Variants in CNTNAP2 observed in about 807,000 individuals in gnomAD.
The protein encoded by CNTNAP2 is contactin associated protein 2.
CNTNAP2 carries 98 observed loss-of-function variants against 155.2 expected under a neutral mutation model. The ratio of observed to expected loss-of-function variants is 0.63; its 90% confidence interval spans 0.54 to 0.75. The LOEUF (loss-of-function observed/expected upper bound fraction) is 0.75. CNTNAP2 is among the 30% of genes least tolerant of loss of function. The pLI is 0.00. For synonymous variants in CNTNAP2, 651 were observed against 631.2 expected (o/e 1.03, Z -0.47); for missense variants, 1,727 against 1,688.1 (o/e 1.02, Z -0.40).
intron 8 of CNTNAP2, among the ~76,000 whole-genome samples, chr7:147,241,634 A>AG (rs1803939562): frequency 6.7e-6 from 1 of 148,306 alleles, no homozygotes; most frequent in Non-Finnish European, 1.5e-5. Context: ...TCTCAAAAAA[A>AG]GGAAAAAAAA....
chr7:147,061,336 T>C (rs1330781765), intron 4 of CNTNAP2, among the ~76,000 whole-genome samples: 3 of 152,226 alleles, frequency 2.0e-5, no homozygotes, highest in Admixed American at 6.5e-5. Flanking sequence ...ACAAAACATA[T>C]ATAATTTGCT....
chr7:147,857,527 A>G (rs1799060152), intron 13 of CNTNAP2, among the ~76,000 whole-genome samples: 1 of 152,202 alleles, frequency 6.6e-6, no homozygotes, highest in Non-Finnish European at 1.5e-5. Context: ...ATCAAAATAA[A>G]CCTGATAAAT....
At chr7:148,147,770 CAAA>C (rs5888307) in intron 17 of CNTNAP2, 61 bp downstream of exon 17, 1,261 of 1,231,820 alleles carry the variant, frequency 1.0e-3, no homozygotes, top group South Asian at 1.6e-3. Flanking sequence ...CTGCACAATA[CAAA>C]AAAAAAAAAA....
intron 1 of CNTNAP2, among the ~76,000 whole-genome samples, chr7:146,720,401 A>T (rs996201619): frequency 6.6e-6 from 1 of 152,084 alleles, no homozygotes; most frequent in African/African-American, 2.4e-5. Flanking sequence ...GCAATTATCT[A>T]TTATGCTTAG....
chr7:146,441,285 G>T lies in CNTNAP2; in HGVS notation c.97+324312G>T, dbSNP rs143390801. Among the ~76,000 whole-genome samples the T allele has an allele frequency of 3.4e-4, 52 of 151,614 alleles. 2 individuals are homozygous for T. Among genetic ancestry groups the T allele is most frequent in the Admixed American group, 3.1e-3 (48 of 15,276 alleles). On this transcript the variant is annotated intron_variant, in intron 1 of 23. Transcript: ENST00000361727. ...TCTTTCTTAAGCCCTATTCTTCTGG[G>T]TTGGCAAAATAAAATTTTTTGGGGG...
intron 1 of CNTNAP2, among the ~76,000 whole-genome samples, chr7:146,385,650 T>C (rs115475490): frequency 0.026 from 3,966 of 152,302 alleles, 186 homozygotes; most frequent in African/African-American, 0.091. Flanking sequence ...TACTCTTGCT[T>C]TTCTGCTGTC....
intron 1 of CNTNAP2, among the ~76,000 whole-genome samples, chr7:146,681,410 A>G (rs142872098): frequency 8.6e-6 from 1 of 116,490 alleles, no homozygotes; most frequent in Non-Finnish European, 1.8e-5. Context: ...GAAACAAGAC[A>G]CACAGGGTCC....
rs1351943781 is a variant in CNTNAP2 at position 146,981,263 on chromosome 7, A to C, written c.403-62644A>C. Among the ~76,000 whole-genome samples, 3 of 152,324 alleles carry C rather than the reference A, an allele frequency of 2.0e-5. No homozygotes were observed. The East Asian group carries it at 5.8e-4, about 29-fold the overall frequency. The stretch of plus-strand genomic sequence containing the variant: ...GAGTTATAACTTATTGGAAGAAATA[A>C]GATTTACAAATGAATTATGGTAATT... On this transcript the variant is annotated intron_variant, in intron 3 of 23. Coordinates refer to ENST00000361727, the MANE Select transcript of CNTNAP2 (RefSeq NM_014141.6).
chr7:147,535,258 G>A (rs1290147445), intron 11 of CNTNAP2, among the ~76,000 whole-genome samples: 1 of 152,136 alleles, frequency 6.6e-6, no homozygotes, highest in African/African-American at 2.4e-5. Context: ...TGGGCCTGAT[G>A]GCGGGCCCCT....
At chr7:147,654,220 C>G (rs1795491968) in intron 13 of CNTNAP2, among the ~76,000 whole-genome samples, 1 of 152,134 alleles carries the variant, frequency 6.6e-6, no homozygotes, top group Non-Finnish European at 1.5e-5. Context: ...GACAAATGTT[C>G]TCCAAACTAA....
chr7:147,422,014 T>C (rs1240911660), intron 10 of CNTNAP2, among the ~76,000 whole-genome samples: 1 of 151,712 alleles, frequency 6.6e-6, no homozygotes, highest in Non-Finnish European at 1.5e-5. Context: ...ATCTCTTTTC[T>C]GAATAAATTA....
At chr7:146,998,967 C>G (rs1798364768) in intron 3 of CNTNAP2, among the ~76,000 whole-genome samples, 1 of 151,788 alleles carries the variant, frequency 6.6e-6, no homozygotes, top group African/African-American at 2.4e-5. Context: ...TATTCAGTGT[C>G]TTTTCATTAG....
At chr7:148,388,717 T>G (rs1172632990) in intron 22 of CNTNAP2, among the ~76,000 whole-genome samples, 1 of 152,196 alleles carries the variant, frequency 6.6e-6, no homozygotes, top group Non-Finnish European at 1.5e-5. Context: ...TTTGGTGTGG[T>G]TGTCCTTTCT....
chr7:148,108,933 T>G (rs1804282266), intron 15 of CNTNAP2, among the ~76,000 whole-genome samples: 1 of 152,228 alleles, frequency 6.6e-6, no homozygotes, highest in East Asian at 1.9e-4. Flanking sequence ...TAACATCACT[T>G]TGTACCCCAT....
chr7:146,938,447 A>C (rs1328703539), intron 3 of CNTNAP2, among the ~76,000 whole-genome samples: 1 of 150,484 alleles, frequency 6.6e-6, no homozygotes, highest in Non-Finnish European at 1.5e-5. Context: ...GTGTGTATAC[A>C]TATGTACACA....
At chr7:147,069,168 C>A (rs1180747276) in intron 4 of CNTNAP2, among the ~76,000 whole-genome samples, 1 of 152,146 alleles carries the variant, frequency 6.6e-6, no homozygotes, top group Non-Finnish European at 1.5e-5. Context: ...ACCCCCATGA[C>A]CCAAACACCT....
At chr7:146,499,424 AT>A (rs1178190688) in intron 1 of CNTNAP2, among the ~76,000 whole-genome samples, 1 of 152,090 alleles carries the variant, frequency 6.6e-6, no homozygotes, top group Admixed American at 6.6e-5. Context: ...TATAAACCAA[AT>A]CCCCAAGCCA....
At chr7:147,173,165 G>C (rs752579932) in intron 8 of CNTNAP2, among the ~76,000 whole-genome samples, 7 of 152,220 alleles carry the variant, frequency 4.6e-5, no homozygotes, top group Non-Finnish European at 7.4e-5. Flanking sequence ...TTTCTCACTT[G>C]AGTCCTAAAA....
intron 3 of CNTNAP2, among the ~76,000 whole-genome samples, chr7:147,022,162 A>T (rs563048545): frequency 2.0e-5 from 3 of 152,068 alleles, no homozygotes; most frequent in Non-Finnish European, 4.4e-5. Flanking sequence ...AGAAACACTG[A>T]TTTCTACAAA....
Sources: allele counts gnomAD v4.1 joint callset (sites outside exome capture counted in the v4.1 genomes callset), GRCh38; gene constraint gnomAD v4.1.1; transcripts MANE v1.5; gene names NCBI Gene and HGNC (gene_info 2026-07-23, HGNC 2026-07-21).